The following ATRNL1 variants were observed in gnomAD, a reference collection of about 807,000 sequenced individuals.
The protein encoded by ATRNL1 is attractin-like protein 1.
ATRNL1 carries 95 observed loss-of-function variants against 182.7 expected under a neutral mutation model. That is an observed-to-expected ratio of 0.52 (90% confidence interval 0.44 to 0.62). The LOEUF (loss-of-function observed/expected upper bound fraction) is 0.62, where lower values mean the gene tolerates loss of function less well. ATRNL1 is among the 20% of genes least tolerant of loss of function. The pLI, the probability that ATRNL1 is intolerant of heterozygous loss-of-function variation, is 0.00. For missense variants in ATRNL1, 1,471 were observed against 1,679.5 expected (o/e 0.88, Z 2.17); for synonymous variants, 576 against 568.3 (o/e 1.01, Z -0.19).
intron 1 of ATRNL1, among the ~76,000 whole-genome samples, chr10:115,097,212 C>T (rs1371825333): frequency 6.6e-6 from 1 of 152,002 alleles, no homozygotes; most frequent in Admixed American, 6.5e-5. Context: ...TGCTGGGTGC[C>T]GTGGCTCAGG....
chr10:115,132,793 G>T (rs1310046861), intron 5 of ATRNL1, among the ~76,000 whole-genome samples: 1 of 152,120 alleles, frequency 6.6e-6, no homozygotes, highest in Admixed American at 6.6e-5. Context: ...ATTTTTTCCT[G>T]TAAATTTGTT....
chr10:115,233,648 T>C (rs1554900591), intron 9 of ATRNL1, among the ~76,000 whole-genome samples: 1 of 152,138 alleles, frequency 6.6e-6, no homozygotes, highest in Non-Finnish European at 1.5e-5. Context: ...ATGATGTTCA[T>C]TGTGGGTTTT....
At chr10:115,835,812 C>T (rs1484385741) in intron 27 of ATRNL1, among the ~76,000 whole-genome samples, 4 of 152,162 alleles carry the variant, frequency 2.6e-5, no homozygotes, top group African/African-American at 9.7e-5. Context: ...GGCCATGCCC[C>T]CTCGCTGAGG....
chr10:115,325,662 C>T (rs1316844110), intron 18 of ATRNL1, among the ~76,000 whole-genome samples: 1 of 152,042 alleles, frequency 6.6e-6, no homozygotes, highest in Non-Finnish European at 1.5e-5. Flanking sequence ...CTATGACTAA[C>T]CTTTGTTTTC....
At chr10:115,366,113 T>G (rs1480954697) in intron 19 of ATRNL1, among the ~76,000 whole-genome samples, 1 of 152,062 alleles carries the variant, frequency 6.6e-6, no homozygotes, top group African/African-American at 2.4e-5. Context: ...ATGTTGACAG[T>G]GGGGTGTTAA....
At chr10:115,868,881 G>A (rs4751935) in intron 28 of ATRNL1, among the ~76,000 whole-genome samples, 76,307 of 133,354 alleles carry the variant, frequency 0.57, 21,705 homozygotes, top group East Asian at 0.78. Flanking sequence ...CCAGGCTGGA[G>A]TGCAGTGGCG....
intron 6 of ATRNL1, among the ~76,000 whole-genome samples, chr10:115,163,257 A>G (rs1303092551): frequency 6.6e-6 from 1 of 151,672 alleles, no homozygotes; most frequent in Non-Finnish European, 1.5e-5. Flanking sequence ...AGGGCCTGGA[A>G]ACTAAGAATT....
chr10:115,575,314 C>T (rs1854636516), intron 26 of ATRNL1, among the ~76,000 whole-genome samples: 1 of 152,078 alleles, frequency 6.6e-6, no homozygotes, highest in Non-Finnish European at 1.5e-5. Context: ...ACCTTTAAAA[C>T]AGAATGCATT....
intron 26 of ATRNL1, among the ~76,000 whole-genome samples, chr10:115,654,000 T>C (rs1378739400): frequency 6.6e-6 from 1 of 152,204 alleles, no homozygotes; most frequent in Non-Finnish European, 1.5e-5. Flanking sequence ...AGGTATCTCC[T>C]GTGAGATAGT....
chr10:115,905,489 C>G (rs892588099), intron 28 of ATRNL1, among the ~76,000 whole-genome samples: 1 of 152,032 alleles, frequency 6.6e-6, no homozygotes, highest in African/African-American at 2.4e-5. Context: ...CTCGGCCTCC[C>G]AAAGTACTGG....
At chr10:115,898,109 G>T (rs1250433742) in intron 28 of ATRNL1, among the ~76,000 whole-genome samples, 2 of 152,000 alleles carry the variant, frequency 1.3e-5, no homozygotes, top group Non-Finnish European at 2.9e-5. Flanking sequence ...TGTATTTTTA[G>T]CAGAGACGGG....
At chr10:115,332,019 C>T (rs1855250514) in intron 18 of ATRNL1, among the ~76,000 whole-genome samples, 2 of 152,256 alleles carry the variant, frequency 1.3e-5, no homozygotes, top group South Asian at 2.1e-4. Flanking sequence ...CTGTTACTAG[C>T]CCTACTCTTT....
At chr10:115,360,496 C>T (rs1413306536) in intron 19 of ATRNL1, among the ~76,000 whole-genome samples, 2 of 151,480 alleles carry the variant, frequency 1.3e-5, no homozygotes, top group African/African-American at 4.8e-5. Context: ...ATTCTCTTAA[C>T]CACAGTATAA....
chr10:115,113,985 G>GTT (rs145391113), intron 1 of ATRNL1, among the ~76,000 whole-genome samples: 14 of 150,454 alleles, frequency 9.3e-5, no homozygotes, highest in African/African-American at 3.4e-4. Context: ...ATTTTTATCT[G>GTT]TTTTTTTTTC....
At position 115,624,390 on chromosome 10, in the gene ATRNL1, G is replaced by A. The variant is rs572996582; in HGVS notation, c.3795+74854G>A. The stretch of plus-strand genomic sequence containing the variant: ...AGTTTTTAATTTTTATTGCAAAATA[G>A]TCAGCAATAAACATATATGTTATAT... On this transcript the variant is annotated intron_variant, in intron 26 of 28. Transcript: ENST00000355044. Among the ~76,000 whole-genome samples, 4 of 152,026 alleles carry A rather than the reference G, an allele frequency of 2.6e-5. No individual in the cohort carries two copies. The East Asian group carries it at 7.7e-4, about 29-fold the overall frequency.
chr10:115,690,817 T>C (rs1946367896), intron 26 of ATRNL1, among the ~76,000 whole-genome samples: 1 of 152,178 alleles, frequency 6.6e-6, no homozygotes, highest in Admixed American at 6.5e-5. Context: ...TCTGGAGCAA[T>C]GTCCTCATGG....
chr10:115,103,040 G>GTT (rs33951113), intron 1 of ATRNL1, among the ~76,000 whole-genome samples: 5,312 of 130,242 alleles, frequency 0.041, 403 homozygotes, highest in African/African-American at 0.14. Context: ...TATTTTTAGT[G>GTT]TTTTTTTTTT....
intron 10 of ATRNL1, among the ~76,000 whole-genome samples, chr10:115,256,747 C>G (rs530160132): frequency 6.6e-5 from 10 of 152,164 alleles, no homozygotes; most frequent in African/African-American, 2.4e-4. Context: ...GATTTTAGAT[C>G]TTTCCTGCCT....
intron 21 of ATRNL1, among the ~76,000 whole-genome samples, chr10:115,427,418 T>G (rs964477661): frequency 6.6e-6 from 1 of 152,214 alleles, no homozygotes; most frequent in Non-Finnish European, 1.5e-5. Flanking sequence ...CTTGTCTTTT[T>G]ATCTTATTAA....
Sources: gnomAD v4.1 joint callset for allele counts (sites outside exome capture counted in the v4.1 genomes callset) on GRCh38, gnomAD v4.1.1 for gene constraint, MANE v1.5 for transcripts, NCBI Gene and HGNC (gene_info 2026-07-23, HGNC 2026-07-21) for gene names.